Variants in CLCN7 observed in about 807,000 individuals in gnomAD.
The protein encoded by CLCN7 is H(+)/Cl(-) exchange transporter 7.
A neutral mutation model predicts 102.1 loss-of-function variants in CLCN7; 60 were observed. The ratio of observed to expected loss-of-function variants is 0.59; its 90% CI spans 0.48 to 0.73. CLCN7 has a LOEUF of 0.73. Ranked by LOEUF, CLCN7 falls within the 30% of genes least tolerant of loss-of-function variation. CLCN7 has a pLI of 0.00. For missense variants in CLCN7, 962 were observed against 1,125.7 expected, an observed-to-expected ratio of 0.85 and a Z score of 2.08; for synonymous variants, 560 against 490.5, an observed-to-expected ratio of 1.14 and a Z score of -1.87.
chr16:1,451,800 C>T lies in CLCN7; in HGVS notation c.1354-84G>A, dbSNP rs575949279. On this transcript the variant is annotated intron_variant, in intron 15 of 24. Coordinates refer to ENST00000382745, the MANE Select transcript of CLCN7 (RefSeq NM_001287.6). ...ACAAACCTGGTGTCGCCGTGAGAGG[C>T]CGTGTACCCTGTGCCTGGCCAGCAT... 1.2e-4 allele frequency: 130 copies of T among 1,116,914 alleles called. 4 individuals are homozygous for T. The Admixed American group carries it at 1.9e-3, about 16-fold the overall frequency. The allele number at this position is 1,116,914 out of a possible 1,614,324, so 69.2% of individuals were successfully genotyped here.
rs754128111 is a variant in CLCN7, at chr16:1,461,456, G to A, written c.300C>T (p.Asp100=). 11 of 1,568,620 alleles carry A rather than the reference G, an allele frequency of 7.0e-6. No individual in the cohort carries two copies. Among genetic ancestry groups the A allele is most frequent in the Non-Finnish European group, 8.6e-6 (10 of 1,157,480 alleles). ...CCAGGAACAGCTGGTTCTCACTGTT[G>A]TCATAGTCCAAGCTCTGCAGGCCGG... ...LSLKYESLDY[D]NSENQLFLEE... is the part of the protein sequence containing the mutation. Residue 100 remains aspartate (D), a synonymous_variant, in exon 4 of 25, where the codon GAC becomes GAT. Transcript: ENST00000382745.
At chr16:1,446,756 G>C in intron 24 of CLCN7, 39 bp from the exon 25 acceptor site, 1 of 1,504,816 alleles carries the variant, frequency 6.6e-7, no homozygotes, top group South Asian at 1.2e-5. Context: ...ACACGGGTCG[G>C]CTCCCGCCTG....
At position 1,445,336 on chromosome 16, in the gene CLCN7, G is replaced by GGC. The variant is rs2038618781; in HGVS notation, c.*1293_*1294dup. On this transcript the variant is annotated 3_prime_UTR_variant, in exon 25 of 25. Coordinates refer to ENST00000382745, the MANE Select transcript of CLCN7 (RefSeq NM_001287.6). Reference sequence around the variant, plus strand: ...GGGTGGGAGGGACGACGCTGGCAAAGGCGGGCTGAGAGGATTTCTTTATTT... The same window carrying GGC: ...GGGTGGGAGGGACGACGCTGGCAAAGGCGCGGGCTGAGAGGATTTCTTTATTT... 6.6e-6 allele frequency: 1 copy of GGC among 152,396 alleles called. No homozygotes were observed. The highest frequency in any genetic ancestry group is 2.4e-5 in the African/African-American group (1 of 41,474). 9.4% of individuals were successfully genotyped at this position (152,396 alleles called of 1,614,324 possible). A position where few individuals can be genotyped will look rare whatever the true frequency, so the allele number is the denominator to read the frequency against.
intron 20 of CLCN7, 34 bp from the exon 21 acceptor site, chr16:1,448,518 C>A: frequency 6.2e-7 from 1 of 1,605,826 alleles, no homozygotes; most frequent in Non-Finnish European, 8.5e-7. Context: ...ATGCCCGTCA[C>A]ACGCCACCAA....
At chr16:1,452,055 C>T in intron 15 of CLCN7, 1 of 355,880 alleles carries the variant, frequency 2.8e-6, no homozygotes, top group Non-Finnish European at 5.5e-6. Flanking sequence ...ACATGAGCTC[C>T]TAGAAGAGGC....
Position 1,456,213 on chromosome 16 carries a change from C to T in CLCN7, c.823-7G>A, listed in dbSNP as rs939408403. 1 of 1,560,112 alleles carries T rather than the reference C, an allele frequency of 6.4e-7. No individual in the cohort carries two copies. Among genetic ancestry groups the T allele is most frequent in the Middle Eastern group, 1.7e-4 (1 of 6,004 alleles). On this transcript the variant is annotated splice_polypyrimidine_tract_variant and splice_region_variant and intron_variant, in intron 9 of 24. Transcript: ENST00000382745. ...TGCGGAAGTACTCGAAGATCTGCAACAGGGACAGACCAGGGTCGGGGCAGG... is the reference window on the plus strand; with the variant it reads ...TGCGGAAGTACTCGAAGATCTGCAATAGGGACAGACCAGGGTCGGGGCAGG...
chr16:1,462,837 G>A (rs1172951147), intron 2 of CLCN7, among the ~76,000 whole-genome samples: 2 of 152,114 alleles, frequency 1.3e-5, no homozygotes, highest in Admixed American at 1.3e-4. Context: ...TTCAACAAAT[G>A]GTGCTGGTAC....
intron 14 of CLCN7, among the ~76,000 whole-genome samples, chr16:1,453,375 TAA>T (rs1345865913): frequency 6.6e-6 from 1 of 152,018 alleles, no homozygotes; most frequent in African/African-American, 2.4e-5. Context: ...TTCCCTGGGG[TAA>T]AGACTCCTCG....
In CLCN7 at chr16:1,450,927, G is replaced by A. The variant is rs953730473; in HGVS notation, c.1448-261C>T. ...AGCAGAAGCAGGAGCCGCGTCCAGC[G>A]GGGCGGCCCAGCTGGGTCTAGCAGC... is the stretch of plus-strand genomic sequence containing the variant. On this transcript the variant is annotated intron_variant, in intron 16 of 24. Transcript: ENST00000382745. Among the ~76,000 whole-genome samples, 4 of 152,216 alleles carry A rather than the reference G, an allele frequency of 2.6e-5. 1 individual carries two copies. Among genetic ancestry groups the A allele is most frequent in the East Asian group, 3.9e-4 (2 of 5,194 alleles).
At chr16:1,473,208 A>G (rs2039101427) in intron 1 of CLCN7, among the ~76,000 whole-genome samples, 1 of 152,070 alleles carries the variant, frequency 6.6e-6, no homozygotes, top group Non-Finnish European at 1.5e-5. Flanking sequence ...TGCAGACTAC[A>G]GCACGGAGAG....
intron 1 of CLCN7, among the ~76,000 whole-genome samples, chr16:1,470,931 C>T (rs1324663877): frequency 1.3e-5 from 2 of 152,214 alleles, no homozygotes; most frequent in Non-Finnish European, 2.9e-5. Flanking sequence ...CTCACTGCCC[C>T]CTGAGACCCA....
At chr16:1,458,715 C>T (rs188334476) in intron 7 of CLCN7, among the ~76,000 whole-genome samples, 2 of 152,320 alleles carry the variant, frequency 1.3e-5, no homozygotes, top group Admixed American at 6.5e-5. Context: ...ACCAGATGCT[C>T]TGATAACACC....
intron 2 of CLCN7, 37 bp downstream of exon 2, chr16:1,465,230 T>C: frequency 6.3e-7 from 1 of 1,588,908 alleles, no homozygotes; most frequent in Non-Finnish European, 8.6e-7. Context: ...AAGATGCAGC[T>C]AGCTCTGCGG....
At chr16:1,463,349 A>T (rs1417741253) in intron 2 of CLCN7, among the ~76,000 whole-genome samples, 4 of 152,164 alleles carry the variant, frequency 2.6e-5, no homozygotes. Context: ...CAGCAATACA[A>T]CCTGTGCGGG....
rs200911174 is a variant in CLCN7, at chr16:1,452,941, C to T, written c.1215-48G>A. ...ATGGCAGGCAGGACGGCAGCGCGGC[C>T]CCTCCGCAGGCCCCATGGCAACTCG... On this transcript the variant is annotated intron_variant, in intron 14 of 24. Transcript: ENST00000382745. The T allele has an allele frequency of 7.1e-4, 1,103 of 1,551,424 alleles. 2 individuals are homozygous for T. The highest frequency in any genetic ancestry group is 5.0e-3 in the Middle Eastern group (30 of 5,988).
At position 1,448,986 on chromosome 16, in the gene CLCN7, C is replaced by T. The variant is rs778420950; in HGVS notation, c.1777G>A (p.Val593Met). The T allele has an allele frequency of 1.2e-6, 2 of 1,612,604 alleles. No homozygotes were observed. The highest frequency in any genetic ancestry group is 1.7e-5 in the Admixed American group (1 of 60,002). ...CGCACCTCAATGAAGACGTCGCCCACGATCTTGGCGGTCATGAGCACCAGC... is the reference window on the plus strand; with the variant it reads ...CGCACCTCAATGAAGACGTCGCCCATGATCTTGGCGGTCATGAGCACCAGC... The part of the protein sequence containing the change: ...IMLVLMTAKI[V>M]GDVFIEGLYD... Residue 593 changes from valine to methionine, a missense_variant, in exon 19 of 25, where the codon GTG becomes ATG. Physicochemically the swap from Val to Met is conservative, Grantham distance 21. This residue lies in a region of CLCN7 where 799 missense variants were observed against 988.0 expected (regional missense o/e 0.81). Transcript: ENST00000382745.
Position 1,450,590 on chromosome 16 carries a change from C to T in CLCN7, c.1524G>A (p.Thr508=), listed in dbSNP as rs150009847. ...ACGGGATGAAGACCCCGGCAGACAC[C>T]GTGAGCCCGTAGGTCCAGCAGGCCA... ...FFLACWTYGL[T]VSAGVFIPSL... Residue 508 remains threonine, a synonymous_variant, in exon 17 of 25, where the codon ACG becomes ACA. Transcript: ENST00000382745. 5 of 1,612,300 alleles carry T rather than the reference C, an allele frequency of 3.1e-6. No individual in the cohort carries two copies. Among genetic ancestry groups the T allele is most frequent in the East Asian group, 2.2e-5 (1 of 44,846 alleles).
intron 12 of CLCN7, among the ~76,000 whole-genome samples, chr16:1,454,924 C>T (rs1316229623): frequency 6.6e-6 from 1 of 152,218 alleles, no homozygotes; most frequent in Admixed American, 6.5e-5. Context: ...ATCCCAGGTG[C>T]CCTGCTGGTC....
chr16:1,446,670 TC>T lies in CLCN7; in HGVS notation c.2378del (p.Gly793GlufsTer20). ...TRKDLARYRL[G>X]KRGLEELSLA... ...GCGAGAGCTCCTCCAAGCCTCTCTT[TC>T]CCAGGCGGTACCTGGCGAGGTCCTT... On this transcript the variant is annotated frameshift_variant, in exon 25 of 25. Transcript: ENST00000382745. LOFTEE classifies it high-confidence loss of function. 6.3e-7 allele frequency: 1 copy of T among 1,586,372 alleles called. No homozygotes were observed. Among genetic ancestry groups the T allele is most frequent in the Admixed American group, 1.7e-5 (1 of 57,378 alleles).
Sources: gnomAD v4.1 joint callset for allele counts (sites outside exome capture counted in the v4.1 genomes callset) on GRCh38, gnomAD v4.1.1 for gene constraint, gnomAD v4.1.1 regional missense constraint, MANE v1.5 for transcripts, NCBI Gene and HGNC (gene_info 2026-07-23, HGNC 2026-07-21) for gene names.